ANKFN1: variants seen among roughly 807,000 people sequenced by gnomAD.
ANKFN1 encodes ankyrin repeat and fibronectin type III domain containing 1.
ANKFN1 carries 74 observed loss-of-function variants against 108.7 expected under a neutral mutation model. That is an observed-to-expected ratio of 0.68 (90% CI 0.56 to 0.83). The LOEUF is 0.83. Ranked by LOEUF, ANKFN1 falls within the 40% of genes least tolerant of loss-of-function variation. The pLI is 0.00. For synonymous variants in ANKFN1, 547 were observed against 516.2 expected (o/e 1.06, Z -0.81); for missense variants, 1,505 against 1,382.3 (o/e 1.09, Z -1.41).
Position 56,480,675 on chromosome 17 carries a change from T to C in ANKFN1, c.1948T>C (p.Trp650Arg), listed in dbSNP as rs2050662306. The C allele has an allele frequency of 1.2e-6, 2 of 1,613,638 alleles. No individual in the cohort carries two copies. The highest frequency in any genetic ancestry group is 2.7e-5 in the African/African-American group (2 of 74,880). Residue 650 changes from tryptophan (W) to arginine (R), a missense_variant, in exon 17 of 21, where the codon TGG (tryptophan) becomes CGG (arginine). Coordinates refer to ENST00000682825, the MANE Select transcript of ANKFN1 (RefSeq NM_001370326.1). ...RENNNISREE[W>R]EWIQKLSGSE... Reference sequence around the variant, plus strand: ...ACTTGACTCAACATACAGAGAGGAATGGGAATGGATCCAAAAGCTTTCTGG... The same window carrying C: ...ACTTGACTCAACATACAGAGAGGAACGGGAATGGATCCAAAAGCTTTCTGG...
chr17:56,296,048 A>G (rs2044500512), intron 3 of ANKFN1, among the ~76,000 whole-genome samples: 1 of 152,046 alleles, frequency 6.6e-6, no homozygotes, highest in Admixed American at 6.5e-5. Context: ...ATGTATATGT[A>G]CTAAATTATG....
At chr17:56,344,269 A>AT (rs934625047) in intron 4 of ANKFN1, among the ~76,000 whole-genome samples, 4 of 152,132 alleles carry the variant, frequency 2.6e-5, no homozygotes, top group Non-Finnish European at 4.4e-5. Context: ...TAAAATCTAT[A>AT]TTTTTTTGTT....
intron 4 of ANKFN1, among the ~76,000 whole-genome samples, chr17:56,085,118 G>A (rs1364283129): frequency 6.7e-6 from 1 of 149,392 alleles, no homozygotes; most frequent in Non-Finnish European, 1.5e-5. Context: ...AGGTTGTTCA[G>A]GAGTTGGACT....
At chr17:56,231,137 A>G (rs984423788) in intron 3 of ANKFN1, among the ~76,000 whole-genome samples, 8 of 152,024 alleles carry the variant, frequency 5.3e-5, no homozygotes, top group African/African-American at 1.9e-4. Context: ...TTGGGTTACA[A>G]TGTCAATCTT....
chr17:56,225,418 A>G (rs992731314), intron 2 of ANKFN1, among the ~76,000 whole-genome samples: 1 of 152,166 alleles, frequency 6.6e-6, no homozygotes, highest in Non-Finnish European at 1.5e-5. Flanking sequence ...GGACCTTTCT[A>G]TCTGGATTGA....
intron 3 of ANKFN1, among the ~76,000 whole-genome samples, chr17:56,324,927 G>A (rs1253345060): frequency 1.3e-5 from 2 of 152,204 alleles, no homozygotes; most frequent in East Asian, 1.9e-4. Flanking sequence ...CCTGTTGGGG[G>A]TGAGCGAGCT....
chr17:56,183,837 A>G (rs535599303), intron 1 of ANKFN1, among the ~76,000 whole-genome samples: 4 of 152,338 alleles, frequency 2.6e-5, no homozygotes, highest in East Asian at 1.9e-4. Flanking sequence ...GAGAAGCTCA[A>G]CACTTCAGCG....
At position 56,510,571 on chromosome 17, in the gene ANKFN1, G is replaced by A; in HGVS notation, c.2743G>A (p.Asp915Asn). The part of the protein sequence containing the change: ...SSDALSPRDL[D>N]LVYLSSHDIA... ...CGATGCCCTGAGCCCCAGAGACCTG[G>A]ACCTGGTCTACCTATCATCTCACGA... Residue 915 changes from aspartate (D) to asparagine (N), a missense_variant, in exon 21 of 21, where the codon GAC becomes AAC. Asp to Asn is a conservative substitution (Grantham distance 23, BLOSUM62 1). Transcript: ENST00000682825. 6.5e-7 allele frequency: 1 copy of A among 1,536,196 alleles called. No homozygotes were observed. The highest frequency in any genetic ancestry group is 1.2e-5 in the South Asian group (1 of 84,062).
intron 3 of ANKFN1, among the ~76,000 whole-genome samples, chr17:56,324,265 G>T (rs2045454353): frequency 6.6e-6 from 1 of 152,198 alleles, no homozygotes; most frequent in Non-Finnish European, 1.5e-5. Context: ...TAGGCTCTAA[G>T]TAACGTTAAA....
chr17:56,235,505 T>C lies in ANKFN1; in HGVS notation c.53+7548T>C, dbSNP rs142145566. On this transcript the variant is annotated intron_variant, in intron 3 of 20. Coordinates refer to ENST00000682825, the MANE Select transcript of ANKFN1 (RefSeq NM_001370326.1). ...GTTTTGGGTTTTACATTTAATTCTT[T>C]AATCTATCTTTAGTTGATTTTTGTA... Among the ~76,000 whole-genome samples, 16 of 152,344 alleles carry C rather than the reference T, an allele frequency of 1.1e-4. No homozygotes were observed. The East Asian group carries it at 3.1e-3, about 29-fold the overall frequency.
intron 18 of ANKFN1, among the ~76,000 whole-genome samples, chr17:56,489,724 A>C (rs898722352): frequency 6.6e-6 from 1 of 151,980 alleles, no homozygotes; most frequent in South Asian, 2.1e-4. Context: ...GAAAAAAAAC[A>C]ATTTTTTTTT....
At chr17:56,175,457 G>C (rs1316892172) in intron 1 of ANKFN1, among the ~76,000 whole-genome samples, 1 of 152,198 alleles carries the variant, frequency 6.6e-6, no homozygotes, top group South Asian at 2.1e-4. Flanking sequence ...TGATGCCACT[G>C]TACCTGGTGC....
intron 3 of ANKFN1, among the ~76,000 whole-genome samples, chr17:56,234,408 T>C (rs918398983): frequency 1.3e-5 from 2 of 151,952 alleles, no homozygotes; most frequent in African/African-American, 4.8e-5. Flanking sequence ...ATAGGTAAAA[T>C]TATGTTACAG....
At chr17:56,219,272 A>T (rs1004058305) in intron 2 of ANKFN1, among the ~76,000 whole-genome samples, 1 of 151,536 alleles carries the variant, frequency 6.6e-6, no homozygotes, top group African/African-American at 2.4e-5. Flanking sequence ...TTTGATACAG[A>T]GTCTCACTCC....
At chr17:56,124,677 T>C (rs1906821663) in intron 4 of ANKFN1, among the ~76,000 whole-genome samples, 1 of 152,212 alleles carries the variant, frequency 6.6e-6, no homozygotes, top group Non-Finnish European at 1.5e-5. Context: ...TTTCTTGGAC[T>C]AGCCACTAGA....
chr17:56,162,990 G>A (rs1266270638), intron 1 of ANKFN1, among the ~76,000 whole-genome samples: 8 of 150,900 alleles, frequency 5.3e-5, no homozygotes, highest in African/African-American at 1.2e-4. Context: ...AGCCGAGATC[G>A]CGCCACTGCA....
At chr17:56,408,212 G>C (rs568661297) in intron 8 of ANKFN1, among the ~76,000 whole-genome samples, 6 of 152,106 alleles carry the variant, frequency 3.9e-5, no homozygotes, top group Admixed American at 6.5e-5. Context: ...TGAGATTACA[G>C]GCTTGAGCCA....
In ANKFN1 at chr17:56,068,519, G is replaced by C. The variant is rs564755319; in HGVS notation, c.288+22194G>C. Among the ~76,000 whole-genome samples, 25 of 152,228 alleles carry C rather than the reference G, an allele frequency of 1.6e-4. 1 individual carries two copies. In the South Asian group the frequency reaches 5.2e-3, roughly 32 times the overall value. Reference sequence around the variant, plus strand: ...CTCCCACTGACTGAGCTATCTGAAAGGCAAATGGCATGAGTGCCCATAGAG... The same window carrying C: ...CTCCCACTGACTGAGCTATCTGAAACGCAAATGGCATGAGTGCCCATAGAG... On this transcript the variant is annotated intron_variant, in intron 4 of 12. Coordinates refer to the ANKFN1 transcript ENST00000635860.
At chr17:56,468,871 G>A (rs1350302840) in intron 15 of ANKFN1, among the ~76,000 whole-genome samples, 2 of 152,040 alleles carry the variant, frequency 1.3e-5, no homozygotes, top group African/African-American at 4.8e-5. Flanking sequence ...CACATTTGAG[G>A]CTCCCCTCTT....
Sources: gnomAD v4.1 joint callset for allele counts (sites outside exome capture counted in the v4.1 genomes callset) on GRCh38, gnomAD v4.1.1 for gene constraint, MANE v1.5 for transcripts, NCBI Gene and HGNC (gene_info 2026-07-23, HGNC 2026-07-21) for gene names.